Variants in ASPRV1 observed in about 807,000 individuals in gnomAD.
The protein encoded by ASPRV1 is retroviral-like aspartic protease 1.
In ASPRV1, 7 loss-of-function variants were observed where a neutral mutation model predicts 11.0. The ratio of observed to expected loss-of-function variants is 0.64; its 90% CI spans 0.36 to 1.20. The LOEUF (loss-of-function observed/expected upper bound fraction) is 1.20, where lower values mean the gene tolerates loss of function less well. Ranked by LOEUF, ASPRV1 falls within the 50% of genes most tolerant of loss-of-function variation. The probability of loss-of-function intolerance (pLI) is 0.02; values close to 1 mark genes in which losing one functional copy is unlikely to be tolerated. For synonymous variants in ASPRV1, 136 were observed against 138.4 expected (o/e 0.98, Z 0.12); for missense variants, 299 against 320.0 (o/e 0.93, Z 0.50).
At chr2:70,061,920 T>G in the ASPRV1 span, among the ~76,000 whole-genome samples, 2 of 148,874 alleles carry the variant, frequency 1.3e-5, no homozygotes, top group Admixed American at 1.4e-4. Context: ...CTGAGATCAC[T>G]CCATTGCACT....
the ASPRV1 span, among the ~76,000 whole-genome samples, chr2:70,059,256 CTTTTTTT>C: frequency 8.9e-6 from 1 of 112,226 alleles, no homozygotes; most frequent in Non-Finnish European, 2.0e-5. Flanking sequence ...GATTGGTTTT[CTTTTTTT>C]TTTTTTTTTT....
the ASPRV1 span, among the ~76,000 whole-genome samples, chr2:70,060,340 CAAAAA>C: frequency 5.7e-5 from 3 of 52,728 alleles, no homozygotes; most frequent in South Asian, 5.5e-4. Flanking sequence ...GACTCCATCT[CAAAAA>C]AAAAAAAAAA....
the ASPRV1 span, among the ~76,000 whole-genome samples, chr2:70,065,839 A>AAAAAAAAC: frequency 6.8e-6 from 1 of 146,942 alleles, no homozygotes; most frequent in Non-Finnish European, 1.5e-5. Flanking sequence ...AAAAAAAAAA[A>AAAAAAAAC]AAAAAGAAAG....
downstream of ASPRV1, among the ~76,000 whole-genome samples, chr2:69,959,763 T>A (rs955557181): frequency 1.3e-5 from 2 of 152,246 alleles, no homozygotes; most frequent in Non-Finnish European, 2.9e-5. Context: ...TTGTTTATCA[T>A]AACCATAATT....
At chr2:69,940,280 A>T in the ASPRV1 span, 4 of 152,146 alleles carry the variant, frequency 2.6e-5, no homozygotes, top group African/African-American at 9.7e-5. Context: ...ATAGTGTTCA[A>T]AGAGCCAGTT....
At chr2:69,978,238 T>C in the ASPRV1 span, among the ~76,000 whole-genome samples, 1 of 151,846 alleles carries the variant, frequency 6.6e-6, no homozygotes, top group South Asian at 2.1e-4. Context: ...GGCTCTGTAC[T>C]CTCCCAACAC....
chr2:69,995,640 G>A, the ASPRV1 span, among the ~76,000 whole-genome samples: 8 of 152,172 alleles, frequency 5.3e-5, no homozygotes, highest in Non-Finnish European at 1.2e-4. Flanking sequence ...GGACAGAGGA[G>A]TCTGGGAAGC....
chr2:70,052,492 T>A, the ASPRV1 span, among the ~76,000 whole-genome samples: 1 of 152,066 alleles, frequency 6.6e-6, no homozygotes, highest in South Asian at 2.1e-4. Context: ...TAATACTGAG[T>A]AAGGGTCCAG....
In ASPRV1 at chr2:69,960,854, C is replaced by T; in HGVS notation, c.583G>A (p.Ala195Thr). The T allele has an allele frequency of 1.9e-6, 3 of 1,614,164 alleles. No homozygotes were observed. The South Asian group carries it at 3.3e-5, about 18-fold the overall frequency. ...TCAGTGCCAATGATGGCTTCCTCGG[C>T]ACTCGCATTGGCCACTAGGAACTGT... ...KAQFLVANAS[A>T]EEAIIGTDVL... Residue 195 changes from alanine to threonine, a missense_variant, in exon 1 of 1, where the codon GCC (alanine) becomes ACC (threonine). Transcript: ENST00000320256.
chr2:70,023,461 C>A, the ASPRV1 span, among the ~76,000 whole-genome samples: 3 of 152,020 alleles, frequency 2.0e-5, no homozygotes, highest in African/African-American at 7.2e-5. Flanking sequence ...GCAGTAGATG[C>A]CTCTCTGAAG....
At chr2:69,970,447 G>A in the ASPRV1 span, among the ~76,000 whole-genome samples, 8 of 152,166 alleles carry the variant, frequency 5.3e-5, no homozygotes, top group Admixed American at 2.0e-4. Flanking sequence ...ACAAAATGGC[G>A]TGTAGCTCCC....
the ASPRV1 span, among the ~76,000 whole-genome samples, chr2:70,005,805 C>T: frequency 4.6e-5 from 7 of 152,268 alleles, no homozygotes; most frequent in South Asian, 2.1e-4. Flanking sequence ...GAGGGAAATT[C>T]GCATCTACTC....
At chr2:70,075,722 C>T in the ASPRV1 span, among the ~76,000 whole-genome samples, 3 of 151,808 alleles carry the variant, frequency 2.0e-5, no homozygotes, top group Non-Finnish European at 4.4e-5. Flanking sequence ...GTCACATGCC[C>T]GTAATCCCAG....
At chr2:70,025,600 C>G in the ASPRV1 span, among the ~76,000 whole-genome samples, 2 of 152,126 alleles carry the variant, frequency 1.3e-5, no homozygotes, top group Non-Finnish European at 2.9e-5. Context: ...GTGGATCGTG[C>G]CAATGATTTA....
the ASPRV1 span, among the ~76,000 whole-genome samples, chr2:70,035,632 T>C: frequency 8.6e-5 from 13 of 150,774 alleles, no homozygotes; most frequent in African/African-American, 3.2e-4. Flanking sequence ...ACTGACCCTG[T>C]TGATTCTGGA....
the ASPRV1 span, among the ~76,000 whole-genome samples, chr2:69,948,768 G>A: frequency 6.6e-6 from 1 of 151,472 alleles, no homozygotes; most frequent in African/African-American, 2.5e-5. Flanking sequence ...CCTGTCTCCC[G>A]CTCTGCCCAC....
the ASPRV1 span, chr2:70,056,121 T>G: frequency 6.6e-6 from 1 of 152,106 alleles, no homozygotes; most frequent in African/African-American, 2.4e-5. Flanking sequence ...ACTCTATTTA[T>G]ATGAGGTAGT....
chr2:70,058,400 A>G, the ASPRV1 span, among the ~76,000 whole-genome samples: 1 of 151,610 alleles, frequency 6.6e-6, no homozygotes, highest in Non-Finnish European at 1.5e-5. Flanking sequence ...GCGCCACTGC[A>G]CTCAGTTAAT....
chr2:69,981,333 T>C, the ASPRV1 span, among the ~76,000 whole-genome samples: 2 of 152,344 alleles, frequency 1.3e-5, no homozygotes, highest in African/African-American at 2.4e-5. Flanking sequence ...ATAATATTTA[T>C]TGACGTGGAA....
Sources: gnomAD v4.1 joint callset for allele counts (sites outside exome capture counted in the v4.1 genomes callset) on GRCh38, gnomAD v4.1.1 for gene constraint, MANE v1.5 for transcripts, NCBI Gene and HGNC (gene_info 2026-07-23, HGNC 2026-07-21) for gene names.